POLA1: variants seen among roughly 807,000 people sequenced by gnomAD.
The protein encoded by POLA1 is DNA polymerase alpha catalytic subunit.
Under a neutral mutation model 124.0 loss-of-function variants are expected in POLA1, and 15 were observed. That is an observed-to-expected ratio of 0.12 (90% CI 0.08 to 0.19). The LOEUF is 0.19. POLA1 is among the 10% of genes least tolerant of loss of function. The pLI is 1.00. For synonymous variants in POLA1, 408 were observed against 389.4 expected (o/e 1.05, Z -0.56); for missense variants, 886 against 1,103.4 (o/e 0.80, Z 2.79).
chrX:24,885,900 A>G (rs781012477), intron 34 of POLA1, among the ~76,000 whole-genome samples: 1 of 112,581 alleles, frequency 8.9e-6, no homozygotes, highest in African/African-American at 3.2e-5. Context: ...GAAGGAAACT[A>G]AAGTACATTA....
chrX:24,856,448 A>G (rs998585967), intron 34 of POLA1, among the ~76,000 whole-genome samples: 21 of 112,170 alleles, frequency 1.9e-4, no homozygotes, highest in African/African-American at 6.8e-4. Flanking sequence ...TTCAGGTGCT[A>G]TAAACATTCA....
At chrX:24,963,731 A>G (rs1328661511) in intron 36 of POLA1, among the ~76,000 whole-genome samples, 1 of 111,676 alleles carries the variant, frequency 9.0e-6, no homozygotes, top group Admixed American at 9.6e-5. Flanking sequence ...ATTTGTAATC[A>G]TATAAGGCAT....
At chrX:24,791,815 C>T (rs746415156) in intron 26 of POLA1, among the ~76,000 whole-genome samples, 7 of 112,048 alleles carry the variant, frequency 6.2e-5, no homozygotes, top group Non-Finnish European at 1.1e-4. Flanking sequence ...TTCCAAGTTC[C>T]GTGTTGCATA....
intron 34 of POLA1, among the ~76,000 whole-genome samples, chrX:24,860,917 A>G (rs1243033634): frequency 3.1e-4 from 35 of 111,748 alleles, no homozygotes. Context: ...CTCCCCTTTC[A>G]GAATCCTAAC....
chrX:24,970,965 C>T (rs1227887355), intron 36 of POLA1, among the ~76,000 whole-genome samples: 1 of 112,436 alleles, frequency 8.9e-6, no homozygotes, highest in African/African-American at 3.2e-5. Context: ...GCTTCACACG[C>T]AGCATCTGAC....
At chrX:24,819,096 T>G (rs1003085260) in intron 30 of POLA1, among the ~76,000 whole-genome samples, 5 of 112,314 alleles carry the variant, frequency 4.5e-5, no homozygotes, top group African/African-American at 1.6e-4. Flanking sequence ...AATCTGTTGG[T>G]CTCTGTTGTA....
intron 36 of POLA1, among the ~76,000 whole-genome samples, chrX:24,960,042 T>C (rs1200021276): frequency 9.0e-6 from 1 of 111,307 alleles, no homozygotes; most frequent in Non-Finnish European, 1.9e-5. Flanking sequence ...TAACACACCA[T>C]GCCTTCCCTA....
chrX:24,885,451 G>A (rs780003031), intron 34 of POLA1, among the ~76,000 whole-genome samples: 2 of 111,868 alleles, frequency 1.8e-5, no homozygotes, highest in South Asian at 7.5e-4. Context: ...TGTTCTTGCT[G>A]TCAGCTCCAC....
intron 22 of POLA1, 46 bp downstream of exon 22, chrX:24,742,167 C>T: frequency 3.4e-6 from 3 of 881,023 alleles, no homozygotes; most frequent in Admixed American, 2.8e-5. Context: ...TAACCCCCCC[C>T]CCCCTTTTAA....
chrX:24,930,374 G>T (rs1251118285), intron 35 of POLA1, 79 bp from the exon 36 acceptor site: 3 of 654,162 alleles, frequency 4.6e-6, no homozygotes, highest in African/African-American at 2.2e-5. Context: ...GAAAGTAGGG[G>T]ATACACTCTG....
At chrX:24,902,006 A>G (rs113593654) in intron 35 of POLA1, among the ~76,000 whole-genome samples, 4,899 of 108,718 alleles carry the variant, frequency 0.045, 285 homozygotes, top group African/African-American at 0.15. Context: ...ATGTGCGTGC[A>G]CACACACACA....
intron 36 of POLA1, among the ~76,000 whole-genome samples, chrX:24,935,428 C>A (rs2047836048): frequency 1.8e-5 from 2 of 112,801 alleles, no homozygotes; most frequent in Admixed American, 1.9e-4. Flanking sequence ...GGAGAAGTAT[C>A]CGTTGGAAAG....
intron 36 of POLA1, among the ~76,000 whole-genome samples, chrX:24,951,271 AGTAG>A (rs1479696029): frequency 1.0e-3 from 93 of 91,626 alleles, no homozygotes; most frequent in Non-Finnish European, 1.5e-3. Flanking sequence ...GGTGATTAGG[AGTAG>A]GCTTAAGCTC....
intron 8 of POLA1, 142 bp from the exon 9 acceptor site, chrX:24,717,148 A>T: frequency 1.8e-6 from 1 of 563,393 alleles, no homozygotes; most frequent in Non-Finnish European, 2.9e-6. Flanking sequence ...TTTGGAGATT[A>T]AAGAGAAATG....
Position 24,988,743 on chromosome X carries a change from A to T in POLA1, c.4262-7062A>T, listed in dbSNP as rs370132912. On this transcript the variant is annotated intron_variant, in intron 36 of 36. Coordinates refer to ENST00000379068, the MANE Select transcript of POLA1 (RefSeq NM_001330360.2). ...GCACTTTGGGAGGCCGAGGTGGCAG[A>T]TCACTTAAGGTCAGGAGTTTGAGAC... 2.9e-4 allele frequency among the ~76,000 whole-genome samples: 33 copies of T among 112,138 alleles called. No individual in the cohort carries two copies. In the East Asian group the frequency reaches 8.1e-3, roughly 28 times the overall value.
At chrX:24,773,887 T>C (rs765292267) in intron 26 of POLA1, among the ~76,000 whole-genome samples, 31 of 111,958 alleles carry the variant, frequency 2.8e-4, no homozygotes, top group Non-Finnish European at 4.9e-4. Flanking sequence ...ACTGTGTAGC[T>C]CCAGAAGGTA....
chrX:24,938,454 C>T (rs2047878522), intron 36 of POLA1, among the ~76,000 whole-genome samples: 2 of 111,684 alleles, frequency 1.8e-5, no homozygotes, highest in South Asian at 3.8e-4. Flanking sequence ...ACACCCACTT[C>T]GTGTAAGGGC....
At chrX:24,908,083 A>C (rs1401400443) in intron 35 of POLA1, among the ~76,000 whole-genome samples, 1 of 111,235 alleles carries the variant, frequency 9.0e-6, no homozygotes, top group Non-Finnish European at 1.9e-5. Context: ...TGCAATGTTC[A>C]AATAACCAAG....
chrX:24,947,154 C>G (rs1270762171), intron 36 of POLA1, among the ~76,000 whole-genome samples: 4 of 106,115 alleles, frequency 3.8e-5, no homozygotes, highest in African/African-American at 1.4e-4. Context: ...TAAAATCATA[C>G]TTCAAATGAG....
Sources: allele counts gnomAD v4.1 joint callset (sites outside exome capture counted in the v4.1 genomes callset), GRCh38; gene constraint gnomAD v4.1.1; transcripts MANE v1.5; gene names NCBI Gene and HGNC (gene_info 2026-07-23, HGNC 2026-07-21).